Variants in PRPF18 observed in about 807,000 individuals in gnomAD.
PRPF18 encodes the protein pre-mRNA-splicing factor 18.
A neutral mutation model predicts 46.5 loss-of-function variants in PRPF18; 38 were observed. That is an observed-to-expected ratio of 0.82 (90% CI 0.63 to 1.07). PRPF18 has a LOEUF of 1.07. PRPF18 is among the 50% of genes least tolerant of loss of function. The probability of loss-of-function intolerance (pLI) is 0.00; values close to 1 mark genes in which losing one functional copy is unlikely to be tolerated. For missense variants in PRPF18, 263 were observed against 410.0 expected (o/e 0.64, Z 3.10); for synonymous variants, 152 against 146.7 (o/e 1.04, Z -0.26).
chr10:13,606,949 T>A (rs2080195628), intron 4 of PRPF18, among the ~76,000 whole-genome samples: 5 of 152,220 alleles, frequency 3.3e-5, no homozygotes, highest in Admixed American at 3.3e-4. Flanking sequence ...GTATTGTTAG[T>A]CTTTTTAATT....
At chr10:13,650,409 T>C in the PRPF18 span, among the ~76,000 whole-genome samples, 437 of 150,464 alleles carry the variant, frequency 2.9e-3, 1 homozygote, top group South Asian at 0.016. Context: ...CATGTATGCA[T>C]GAGCATGAAC....
chr10:13,620,418 G>T (rs1013281662), intron 9 of PRPF18, among the ~76,000 whole-genome samples: 1 of 152,126 alleles, frequency 6.6e-6, no homozygotes, highest in Non-Finnish European at 1.5e-5. Flanking sequence ...TTTAAATTGC[G>T]GTATAAAATG....
chr10:13,635,606 G>A (rs1476599184), downstream of PRPF18, among the ~76,000 whole-genome samples: 2 of 152,124 alleles, frequency 1.3e-5, no homozygotes, highest in Non-Finnish European at 2.9e-5. Flanking sequence ...GTGTGGGATG[G>A]TAGCTTATTG....
In PRPF18 at chr10:13,624,394, C is replaced by G. The variant is rs368932283; in HGVS notation, c.949-5866C>G. 5.3e-5 allele frequency among the ~76,000 whole-genome samples: 8 copies of G among 152,250 alleles called. No individual in the cohort carries two copies. In the East Asian group the frequency reaches 5.8e-4, roughly 11 times the overall value. On this transcript the variant is annotated intron_variant, in intron 9 of 9. Coordinates refer to ENST00000378572, the MANE Select transcript of PRPF18 (RefSeq NM_003675.4). ...TCATTACGGAACCAAACAGTTCCCA[C>G]TGTAGAAACTAGAAAACCTGGGGAC...
At chr10:13,609,929 T>C in intron 4 of PRPF18, 110 bp from the exon 5 acceptor site, 1 of 1,204,734 alleles carries the variant, frequency 8.3e-7, no homozygotes, top group Non-Finnish European at 1.2e-6. Context: ...TTTGCTGAAC[T>C]CTTCTTGTGG....
intron 9 of PRPF18, among the ~76,000 whole-genome samples, chr10:13,629,963 G>A (rs1348782011): frequency 6.6e-6 from 1 of 152,202 alleles, no homozygotes; most frequent in East Asian, 1.9e-4. Context: ...TTTTACTGCT[G>A]TAAGATATCC....
chr10:13,632,103 AGGCCGAGGTG>A (rs1036714996), downstream of PRPF18: 60 of 152,744 alleles, frequency 3.9e-4, no homozygotes, highest in African/African-American at 1.4e-3. Context: ...GCACTTTGGG[AGGCCGAGGTG>A]GGCAGATCAC....
the PRPF18 span, chr10:13,652,195 C>T: frequency 1.7e-6 from 1 of 584,354 alleles, no homozygotes; most frequent in Admixed American, 3.0e-5. Context: ...CTCTTTTACC[C>T]ATGGCCTCAT....
At chr10:13,654,755 C>T in the PRPF18 span, 1 of 538,816 alleles carries the variant, frequency 1.9e-6, no homozygotes, top group Non-Finnish European at 3.3e-6. Context: ...CTACCATGCA[C>T]CTTCATTCTG....
chr10:13,630,222 C>T, intron 9 of PRPF18, 38 bp from the exon 10 acceptor site: 1 of 1,484,520 alleles, frequency 6.7e-7, no homozygotes. Context: ...ATAATTTAAC[C>T]ATGTCATAAC....
At chr10:13,650,532 A>G in the PRPF18 span, among the ~76,000 whole-genome samples, 1 of 152,028 alleles carries the variant, frequency 6.6e-6, no homozygotes, top group Admixed American at 6.5e-5. Flanking sequence ...TATCTCCATC[A>G]CCTTTAGCAG....
chr10:13,606,462 C>T (rs1428835933), intron 4 of PRPF18, among the ~76,000 whole-genome samples: 4 of 152,134 alleles, frequency 2.6e-5, no homozygotes, highest in Non-Finnish European at 5.9e-5. Context: ...GCTGGCTGGG[C>T]GTGGTGGCAC....
At chr10:13,590,253 T>G (rs1402845099) in intron 1 of PRPF18, among the ~76,000 whole-genome samples, 1 of 151,664 alleles carries the variant, frequency 6.6e-6, no homozygotes, top group Admixed American at 6.6e-5. Context: ...ATAAGATTGA[T>G]TTTTTCAATC....
At chr10:13,633,886 G>A (rs145373409), downstream of PRPF18, among the ~76,000 whole-genome samples, 17 of 152,314 alleles carry the variant, frequency 1.1e-4, no homozygotes, top group Admixed American at 7.2e-4. Context: ...AAGAGCCAGC[G>A]CCAGTCCCCA....
rs759021772 is a variant in PRPF18, at chr10:13,605,623, C to G, written c.250-8C>G. 6 of 1,463,162 alleles carry G rather than the reference C, an allele frequency of 4.1e-6. No homozygotes were observed. The highest frequency in any genetic ancestry group is 5.6e-6 in the Non-Finnish European group (6 of 1,068,182). 90.6% of individuals were successfully genotyped at this position (1,463,162 alleles called of 1,614,324 possible). On this transcript the variant is annotated splice_polypyrimidine_tract_variant and splice_region_variant and intron_variant, in intron 3 of 9. Coordinates refer to ENST00000378572, the MANE Select transcript of PRPF18 (RefSeq NM_003675.4). ...AAAAATTTACTGGGTATCTGTTTCA[C>G]TTTGTAGGTCATCAGAAGATTGAGA...
At chr10:13,633,998 A>G (rs2080613207), downstream of PRPF18, among the ~76,000 whole-genome samples, 1 of 152,244 alleles carries the variant, frequency 6.6e-6, no homozygotes, top group South Asian at 2.1e-4. Flanking sequence ...TTAATGGTTA[A>G]CAGTAACTTT....
chr10:13,654,823 G>A, the PRPF18 span: 1 of 427,006 alleles, frequency 2.3e-6, no homozygotes, highest in Non-Finnish European at 4.1e-6. Context: ...TAGGCATAGG[G>A]ATGGTGACGG....
intron 9 of PRPF18, among the ~76,000 whole-genome samples, chr10:13,625,412 T>A (rs947469819): frequency 5.3e-5 from 8 of 152,166 alleles, no homozygotes; most frequent in Non-Finnish European, 1.2e-4. Context: ...TCTTAAAAAT[T>A]AGCAAAAATT....
intron 3 of PRPF18, among the ~76,000 whole-genome samples, chr10:13,603,205 G>A (rs1248384714): frequency 2.6e-5 from 4 of 152,146 alleles, no homozygotes; most frequent in African/African-American, 9.7e-5. Context: ...CCTTTGCTCA[G>A]CGAGCGTCTA....
Sources: gnomAD v4.1 joint callset for allele counts (sites outside exome capture counted in the v4.1 genomes callset) on GRCh38, gnomAD v4.1.1 for gene constraint, MANE v1.5 for transcripts, NCBI Gene and HGNC (gene_info 2026-07-23, HGNC 2026-07-21) for gene names.